The following PCDH11X variants were observed in gnomAD, a reference collection of about 807,000 sequenced individuals.
PCDH11X encodes the protein protocadherin 11 X-linked.
Under a neutral mutation model 53.3 loss-of-function variants are expected in PCDH11X, and 18 were observed. The ratio of observed to expected loss-of-function variants is 0.34; its 90% CI spans 0.23 to 0.50. The LOEUF is 0.50. Among genes scored for constraint, PCDH11X ranks in the 20% least tolerant of loss-of-function variants. The pLI, the probability that PCDH11X is intolerant of heterozygous loss-of-function variation, is 0.98. For missense variants in PCDH11X, 570 were observed against 1,032.4 expected, an observed-to-expected ratio of 0.55 and a Z score of 6.14; for synonymous variants, 279 against 393.3, an observed-to-expected ratio of 0.71 and a Z score of 3.44.
chrX:92,380,442 G>T (rs1008429593), intron 8 of PCDH11X, among the ~76,000 whole-genome samples: 3 of 112,130 alleles, frequency 2.7e-5, no homozygotes, highest in African/African-American at 9.7e-5. Flanking sequence ...AGGCACCATC[G>T]GCCACAGAGG....
intron 10 of PCDH11X, among the ~76,000 whole-genome samples, chrX:92,559,842 C>T (rs62598734): frequency 0.24 from 26,810 of 109,687 alleles, 2,647 homozygotes; most frequent in Non-Finnish European, 0.3. Context: ...CCGAATTGCT[C>T]GGGGTTTCTA....
intron 8 of PCDH11X, among the ~76,000 whole-genome samples, chrX:92,266,413 A>G (rs1028715652): frequency 1.8e-5 from 2 of 112,182 alleles, no homozygotes; most frequent in Non-Finnish European, 3.8e-5. Context: ...AGTCTAAAAC[A>G]TCAAAGAAGA....
At chrX:91,963,230 T>A (rs1188488387) in intron 6 of PCDH11X, among the ~76,000 whole-genome samples, 1 of 111,119 alleles carries the variant, frequency 9.0e-6, no homozygotes, top group East Asian at 2.8e-4. Context: ...TCAACATAAG[T>A]TCCAATTCCA....
chrX:91,921,507 C>A (rs766141493), intron 6 of PCDH11X, among the ~76,000 whole-genome samples: 1 of 107,297 alleles, frequency 9.3e-6, no homozygotes, highest in African/African-American at 3.4e-5. Context: ...ACTGATATTT[C>A]TACTGTCTCC....
intron 6 of PCDH11X, among the ~76,000 whole-genome samples, chrX:92,087,363 A>G (rs1406238163): frequency 9.2e-6 from 1 of 108,434 alleles, no homozygotes; most frequent in Non-Finnish European, 1.9e-5. Context: ...AAGTGCTGGG[A>G]TTACAGGCGT....
Position 92,333,491 on chromosome X carries a change from G to A in PCDH11X, c.3145-54244G>A, listed in dbSNP as rs1043290758. ...AAAAATTGCTTTGGAAATAATTTTC[G>A]CTATTCAGAAATTTACTCAAAGTGA... On this transcript the variant is annotated intron_variant, in intron 8 of 10. Coordinates refer to ENST00000682573, the MANE Select transcript of PCDH11X (RefSeq NM_032968.5). 9.9e-5 allele frequency among the ~76,000 whole-genome samples: 11 copies of A among 110,929 alleles called. No individual in the cohort carries two copies. In the East Asian group the frequency reaches 2.9e-3, roughly 29 times the overall value.
intron 6 of PCDH11X, among the ~76,000 whole-genome samples, chrX:92,085,719 A>G (rs140475768): frequency 0.021 from 2,388 of 111,311 alleles, 63 homozygotes; most frequent in African/African-American, 0.074. Flanking sequence ...TTTTCTTCCC[A>G]AATAACACCT....
At chrX:92,498,901 TATATTATA>T (rs200346515) in intron 10 of PCDH11X, among the ~76,000 whole-genome samples, 19,916 of 89,855 alleles carry the variant, frequency 0.22, 2,565 homozygotes, top group Non-Finnish European at 0.29. Flanking sequence ...TCATCAACAG[TATATTATA>T]ATATTATAAT....
chrX:92,426,117 A>G lies in PCDH11X; in HGVS notation c.3343+38184A>G, dbSNP rs761057991. Among the ~76,000 whole-genome samples, 722 of 101,553 alleles carry G rather than the reference A, an allele frequency of 7.1e-3. 8 individuals are homozygous for G. The highest frequency in any genetic ancestry group is 0.025 in the African/African-American group (687 of 27,781). The allele number at this position is 101,553 out of a possible 115,157, so 88.2% of individuals were successfully genotyped here. On this transcript the variant is annotated intron_variant, in intron 9 of 10. Coordinates refer to ENST00000682573, the MANE Select transcript of PCDH11X (RefSeq NM_032968.5). ...AGGAAATATTTTTCGGCGAACAAACATAGATTGCATTTGGATTAAAAATGT... is the reference window on the plus strand; with the variant it reads ...AGGAAATATTTTTCGGCGAACAAACGTAGATTGCATTTGGATTAAAAATGT...
intron 6 of PCDH11X, among the ~76,000 whole-genome samples, chrX:91,972,310 G>A (rs1462299869): frequency 4.3e-5 from 4 of 92,953 alleles, no homozygotes; most frequent in African/African-American, 8.0e-5. Context: ...TTTTTTTCTT[G>A]TAAATTTGTT....
intron 10 of PCDH11X, among the ~76,000 whole-genome samples, chrX:92,487,500 G>T (rs1478799802): frequency 9.0e-6 from 1 of 110,744 alleles, no homozygotes; most frequent in Non-Finnish European, 1.9e-5. Context: ...AAAACAAAAA[G>T]TTCCAGATGA....
At chrX:91,800,179 C>T (rs1322988614) in intron 1 of PCDH11X, among the ~76,000 whole-genome samples, 7 of 110,289 alleles carry the variant, frequency 6.3e-5, no homozygotes, top group Non-Finnish European at 1.3e-4. Flanking sequence ...TTCCTTCTTC[C>T]ATTGAATTTT....
At chrX:92,241,585 C>G (rs1171653100) in intron 7 of PCDH11X, among the ~76,000 whole-genome samples, 1 of 111,219 alleles carries the variant, frequency 9.0e-6, no homozygotes, top group Non-Finnish European at 1.9e-5. Flanking sequence ...AAAACAAAAT[C>G]TAATTACTAA....
chrX:92,446,361 A>G (rs773934047), intron 9 of PCDH11X, among the ~76,000 whole-genome samples: 126 of 111,019 alleles, frequency 1.1e-3, no homozygotes, highest in African/African-American at 3.9e-3. Flanking sequence ...ACTGTGTCCC[A>G]ACCCAAATCT....
In PCDH11X at chrX:91,847,092, C is replaced by T. The variant is rs767901154; in HGVS notation, c.540+11048C>T. ...CAAATGGTTTGACCTGTACAGTGTA[C>T]AGTGTACAAAGATTCATTTTGTAGC... On this transcript the variant is annotated intron_variant, in intron 5 of 10. Coordinates refer to ENST00000682573, the MANE Select transcript of PCDH11X (RefSeq NM_032968.5). 2.7e-5 allele frequency among the ~76,000 whole-genome samples: 3 copies of T among 110,619 alleles called. No homozygotes were observed. The East Asian group carries it at 8.6e-4, about 32-fold the overall frequency.
intron 7 of PCDH11X, among the ~76,000 whole-genome samples, chrX:92,224,079 C>T (rs898847780): frequency 1.2e-4 from 13 of 111,786 alleles, no homozygotes; most frequent in Non-Finnish European, 2.3e-4. Context: ...TACTCTGATA[C>T]AAGGAGTAAG....
chrX:91,788,251 C>T (rs1317579053), intron 1 of PCDH11X, among the ~76,000 whole-genome samples: 1 of 111,368 alleles, frequency 9.0e-6, no homozygotes, highest in African/African-American at 3.3e-5. Context: ...CAATTTCCCA[C>T]TCTGACTCAG....
Position 92,227,410 on chromosome X carries a change from C to T in PCDH11X, c.3114+25955C>T, listed in dbSNP as rs368207023. On this transcript the variant is annotated intron_variant, in intron 7 of 10. Transcript: ENST00000682573. ...TCTTTTCATTTTAGAAATATATTTT[C>T]TGAGATAGATGTGACAATGTTCCTG... Among the ~76,000 whole-genome samples the T allele has an allele frequency of 1.1e-4, 12 of 111,112 alleles. 1 individual carries two copies. Among genetic ancestry groups the T allele is most frequent in the African/African-American group, 3.9e-4 (12 of 30,682 alleles).
At chrX:92,215,025 G>T (rs1191716004) in intron 7 of PCDH11X, among the ~76,000 whole-genome samples, 1 of 111,664 alleles carries the variant, frequency 9.0e-6, no homozygotes, top group African/African-American at 3.3e-5. Flanking sequence ...TCTAGCCCCG[G>T]CGACGGAAGG....
Sources: gnomAD v4.1 joint callset for allele counts (sites outside exome capture counted in the v4.1 genomes callset) on GRCh38, gnomAD v4.1.1 for gene constraint, MANE v1.5 for transcripts, NCBI Gene and HGNC (gene_info 2026-07-23, HGNC 2026-07-21) for gene names.